Variants in PKP1 observed in about 807,000 individuals in gnomAD.
PKP1 encodes the protein plakophilin 1.
A neutral mutation model predicts 76.4 loss-of-function variants in PKP1; 27 were observed. That is an observed-to-expected ratio of 0.35 (90% CI 0.26 to 0.49). The LOEUF (loss-of-function observed/expected upper bound fraction) is 0.49, where lower values mean the gene tolerates loss of function less well. Among genes scored for constraint, PKP1 ranks in the 20% least tolerant of loss-of-function variants. PKP1 has a pLI of 0.99. For missense variants in PKP1, 964 were observed against 955.2 expected (o/e 1.01, Z -0.12); for synonymous variants, 404 against 384.2 (o/e 1.05, Z -0.60).
At chr1:201,325,231 C>G (rs1657079960) in intron 11 of PKP1, 104 bp downstream of exon 11, 1 of 1,228,334 alleles carries the variant, frequency 8.1e-7, no homozygotes, top group African/African-American at 1.5e-5. Flanking sequence ...AGGGGAAGCA[C>G]CAAGGGCAGG....
In PKP1 at chr1:201,317,563, TC is replaced by T. The variant is rs774464563; in HGVS notation, c.847-7del. 6.2e-7 allele frequency: 1 copy of T among 1,612,440 alleles called. No homozygotes were observed. Among genetic ancestry groups the T allele is most frequent in the Admixed American group, 1.7e-5 (1 of 59,998 alleles). On this transcript the variant is annotated splice_polypyrimidine_tract_variant and splice_region_variant and intron_variant, in intron 4 of 13. Transcript: ENST00000367324. ...TTGACCAGGCAGCGTGGCAACTCTT[TC>T]CTGGCAGGTCTATCAGCTGGGAGGC...
At chr1:201,302,321 G>A (rs950507478) in intron 2 of PKP1, among the ~76,000 whole-genome samples, 1 of 152,134 alleles carries the variant, frequency 6.6e-6, no homozygotes, top group Non-Finnish European at 1.5e-5. Context: ...CTGGACCCCA[G>A]TGGACTTTGA....
At chr1:201,293,110 G>C (rs1655968358) in intron 1 of PKP1, among the ~76,000 whole-genome samples, 2 of 152,182 alleles carry the variant, frequency 1.3e-5, no homozygotes, top group Admixed American at 1.3e-4. Context: ...TGGTGAGCCT[G>C]TCACCATTGG....
At chr1:201,325,678 G>T in intron 11 of PKP1, 76 bp from the exon 12 acceptor site, 1 of 1,100,912 alleles carries the variant, frequency 9.1e-7, no homozygotes, top group Non-Finnish European at 1.4e-6. Context: ...CTGGCAGTGG[G>T]GGTGGGAGGG....
chr1:201,327,407 A>C (rs1349889193), intron 12 of PKP1, among the ~76,000 whole-genome samples: 1 of 152,204 alleles, frequency 6.6e-6, no homozygotes, highest in African/African-American at 2.4e-5. Flanking sequence ...GGAAATCTGA[A>C]GGTCACAGCA....
chr1:201,306,914 C>G (rs1656387728), intron 2 of PKP1, among the ~76,000 whole-genome samples: 1 of 152,196 alleles, frequency 6.6e-6, no homozygotes, highest in Non-Finnish European at 1.5e-5. Context: ...TCGTGATCCG[C>G]CCGCCTCGGC....
At chr1:201,316,931 G>T (rs74136380) in intron 4 of PKP1, among the ~76,000 whole-genome samples, 2,638 of 152,276 alleles carry the variant, frequency 0.017, 79 homozygotes, top group African/African-American at 0.06. Context: ...ATTGGTCATG[G>T]AAGAGACTTC....
chr1:201,329,637 C>T (rs1042505523), intron 13 of PKP1, among the ~76,000 whole-genome samples: 1 of 152,162 alleles, frequency 6.6e-6, no homozygotes, highest in East Asian at 1.9e-4. Context: ...GTCTCCTGAG[C>T]TAAGGGGGAC....
chr1:201,283,841 A>G lies in PKP1; in HGVS notation c.139A>G (p.Met47Val), dbSNP rs1482053129. The part of the protein sequence containing the change: ...GRQRVQEQVM[M>V]TVKRQKSKSS... ...GCAGCGCGTGCAGGAGCAGGTGATG[A>G]TGACCGTCAAGCGGCAGAAGTCCAA... is the stretch of plus-strand genomic sequence containing the variant. The change falls in exon 1 of 14, where the codon ATG becomes GTG. Residue 47 changes from methionine to valine, a missense_variant. Met to Val is a conservative substitution (Grantham distance 21). Transcript: ENST00000367324. The G allele has an allele frequency of 6.2e-7, 1 of 1,614,184 alleles. No individual in the cohort carries two copies. The highest frequency in any genetic ancestry group is 1.7e-5 in the Admixed American group (1 of 60,030).
intron 2 of PKP1, among the ~76,000 whole-genome samples, chr1:201,296,074 C>A (rs984577362): frequency 6.6e-6 from 1 of 152,184 alleles, no homozygotes; most frequent in Non-Finnish European, 1.5e-5. Context: ...CTCCTTACTC[C>A]CTCGCTGGCA....
rs61150106 is a variant in PKP1, at chr1:201,322,717, T to C, written c.1504-296T>C. Among the ~76,000 whole-genome samples, 15,853 of 152,212 alleles carry C rather than the reference T, an allele frequency of 0.1. 1,220 individuals are homozygous for C. Among genetic ancestry groups the C allele is most frequent in the African/African-American group, 0.23 (9,375 of 41,506 alleles). On this transcript the variant is annotated intron_variant, in intron 8 of 13. Coordinates refer to ENST00000367324, the MANE Select transcript of PKP1 (RefSeq NM_001005337.3). ...AGCAGCCCCACATATCTGGAAGGTT[T>C]GGGCCAAGGCTGCCCTGGAACACAG...
At chr1:201,291,613 A>AT in intron 1 of PKP1, among the ~76,000 whole-genome samples, 1 of 152,300 alleles carries the variant, frequency 6.6e-6, no homozygotes, top group East Asian at 1.9e-4. Context: ...GCTGCTTCTC[A>AT]TAGCAGGAGG....
At position 201,301,697 on chromosome 1, in the gene PKP1, G is replaced by A. The variant is rs775452104; in HGVS notation, c.306+7652G>A. 4.2e-4 allele frequency among the ~76,000 whole-genome samples: 63 copies of A among 151,032 alleles called. 1 individual carries two copies. Among genetic ancestry groups the A allele is most frequent in the Non-Finnish European group, 7.4e-5 (5 of 67,810 alleles). On this transcript the variant is annotated intron_variant, in intron 2 of 13. Transcript: ENST00000367324. ...GGATAATTATAAACTTTTTTATTTTGCCCCAGCAGAAATTGGTGGAGTTTC... is the reference window on the plus strand; with the variant it reads ...GGATAATTATAAACTTTTTTATTTTACCCCAGCAGAAATTGGTGGAGTTTC...
In PKP1 at chr1:201,323,163, C is replaced by A; in HGVS notation, c.1654C>A (p.Gln552Lys). The A allele has an allele frequency of 1.9e-6, 3 of 1,614,060 alleles. No individual in the cohort carries two copies. The highest frequency in any genetic ancestry group is 1.1e-5 in the South Asian group (1 of 91,090). Reference sequence around the variant, plus strand: ...CCTGGAGGCCTGTGCTGGTGCCCTGCAGAACCTGACAGCCAGCAAGGGGCT... The same window carrying A: ...CCTGGAGGCCTGTGCTGGTGCCCTGAAGAACCTGACAGCCAGCAAGGGGCT... Reference protein sequence around the residue: ...ATLEACAGALQNLTASKGLMS... With the variant: ...ATLEACAGALKNLTASKGLMS... Residue 552 changes from glutamine (Q) to lysine (K), a missense_variant, in exon 9 of 14, where the codon CAG becomes AAG. Transcript: ENST00000367324.
At chr1:201,285,638 T>TTCCCAC (rs1272894393) in intron 1 of PKP1, among the ~76,000 whole-genome samples, 3 of 152,192 alleles carry the variant, frequency 2.0e-5, no homozygotes, top group African/African-American at 7.2e-5. Context: ...GGCTGTCCCC[T>TTCCCAC]TCCCACTCCC....
chr1:201,319,484 C>T (rs960348887), intron 6 of PKP1, among the ~76,000 whole-genome samples: 2 of 152,210 alleles, frequency 1.3e-5, no homozygotes, highest in Non-Finnish European at 2.9e-5. Flanking sequence ...GTGGGTGCAG[C>T]TGGCATGTGC....
At position 201,323,184 on chromosome 1, in the gene PKP1, G is replaced by A. The variant is rs200486077; in HGVS notation, c.1675G>A (p.Gly559Arg). ...GALQNLTASK[G>R]LMSSGMSQLI... Reference sequence around the variant, plus strand: ...CCTGCAGAACCTGACAGCCAGCAAGGGGCTGGTGAGTGGGACTGTACCTTC... The same window carrying A: ...CCTGCAGAACCTGACAGCCAGCAAGAGGCTGGTGAGTGGGACTGTACCTTC... The change falls in exon 9 of 14, where the codon GGG becomes AGG. Residue 559 changes from glycine to arginine, a missense_variant. Transcript: ENST00000367324. 1 of 1,613,846 alleles carries A rather than the reference G, an allele frequency of 6.2e-7. No homozygotes were observed. The highest frequency in any genetic ancestry group is 1.3e-5 in the African/African-American group (1 of 75,048).
At chr1:201,292,727 G>T (rs1216952687) in intron 1 of PKP1, among the ~76,000 whole-genome samples, 1 of 152,214 alleles carries the variant, frequency 6.6e-6, no homozygotes, top group Admixed American at 6.5e-5. Flanking sequence ...TCCGATGGGG[G>T]AGTCTGACCA....
chr1:201,319,336 C>G (rs983817737), intron 6 of PKP1, among the ~76,000 whole-genome samples: 19 of 152,086 alleles, frequency 1.2e-4, no homozygotes, highest in Admixed American at 1.1e-3. Flanking sequence ...TACAAGCTGG[C>G]GAAATGGGTG....
Sources: allele counts gnomAD v4.1 joint callset (sites outside exome capture counted in the v4.1 genomes callset), GRCh38; gene constraint gnomAD v4.1.1; transcripts MANE v1.5; gene names NCBI Gene and HGNC (gene_info 2026-07-23, HGNC 2026-07-21).